ITGA11: variants seen among roughly 807,000 people sequenced by gnomAD.
The protein encoded by ITGA11 is integrin subunit alpha 11.
A neutral mutation model predicts 141.9 loss-of-function variants in ITGA11; 97 were observed. That is an observed-to-expected ratio of 0.68 (90% CI 0.58 to 0.81). The LOEUF (loss-of-function observed/expected upper bound fraction) is 0.81, where lower values mean the gene tolerates loss of function less well. Among genes scored for constraint, ITGA11 ranks in the 30% least tolerant of loss-of-function variants. The pLI is 0.00. For synonymous variants in ITGA11, 658 were observed against 624.6 expected, an observed-to-expected ratio of 1.05 and a Z score of -0.80; for missense variants, 1,387 against 1,559.2, an observed-to-expected ratio of 0.89 and a Z score of 1.86.
chr15:68,326,770 C>T lies in ITGA11; in HGVS notation c.2095G>A (p.Glu699Lys), dbSNP rs767175041. Reference protein sequence around the residue: ...VGIRYNATMDERRYTPRAHLD... With the variant: ...VGIRYNATMDKRRYTPRAHLD... ...TGGGCCCTCGGTGTATACCGCCTCTCATCCATGGTGGCGTTGTATCTGATG... is the reference window on the plus strand; with the variant it reads ...TGGGCCCTCGGTGTATACCGCCTCTTATCCATGGTGGCGTTGTATCTGATG... Residue 699 changes from glutamate to lysine, a missense_variant, in exon 17 of 30, where the codon GAG (glutamate) becomes AAG (lysine). Glu to Lys is a moderately conservative substitution (Grantham distance 56). Coordinates refer to ENST00000315757, the MANE Select transcript of ITGA11 (RefSeq NM_001004439.2). The surrounding 1 kb of genome is among the most constrained non-coding windows in gnomAD (Gnocchi z 6.8). The T allele has an allele frequency of 2.5e-6, 4 of 1,581,780 alleles. No homozygotes were observed. Among genetic ancestry groups the T allele is most frequent in the Non-Finnish European group, 3.4e-6 (4 of 1,163,396 alleles).
At chr15:68,409,226 G>C (rs1366313187) in intron 1 of ITGA11, among the ~76,000 whole-genome samples, 4 of 152,178 alleles carry the variant, frequency 2.6e-5, no homozygotes, top group African/African-American at 9.7e-5. Flanking sequence ...GGGGCCTTCA[G>C]CGTGGGCTGC....
In ITGA11 at chr15:68,402,911, C is replaced by T. The variant is rs745846433; in HGVS notation, c.164+7G>A. 7.7e-5 allele frequency: 123 copies of T among 1,603,706 alleles called. No homozygotes were observed. The highest frequency in any genetic ancestry group is 9.9e-5 in the Non-Finnish European group (116 of 1,171,724). On this transcript the variant is annotated splice_region_variant and intron_variant, in intron 2 of 29. Transcript: ENST00000315757. ...AGGGCTGGGTGTGGGCGGCCGCTCT[C>T]ACTCACCACTTATTGCCACTGATGT...
At chr15:68,361,804 A>T in intron 4 of ITGA11, 100 bp from the exon 5 acceptor site, 1 of 759,850 alleles carries the variant, frequency 1.3e-6, no homozygotes, top group Non-Finnish European at 2.2e-6. Flanking sequence ...GACCCAAGAC[A>T]GACTTCTATC....
chr15:68,321,345 G>A lies in ITGA11; in HGVS notation c.2408+73C>T. ...GGAGGATGTCCAGGAAATAATCCAG[G>A]GCCCCAGGAGCCCCAGAGCCTCTGG... On this transcript the variant is annotated intron_variant, in intron 19 of 29. Transcript: ENST00000315757. This position sits in a 1 kb window ranked among gnomAD's most constrained non-coding sequence, Gnocchi z 4.9. 1 of 888,424 alleles carries A rather than the reference G, an allele frequency of 1.1e-6. No individual in the cohort carries two copies. Among genetic ancestry groups the A allele is most frequent in the South Asian group, 1.9e-5 (1 of 52,438 alleles). 55.0% of individuals were successfully genotyped at this position (888,424 alleles called of 1,614,324 possible).
chr15:68,303,841 G>T lies in ITGA11; in HGVS notation c.3426C>A (p.Ile1142=), dbSNP rs763264928. The T allele has an allele frequency of 8.7e-6, 14 of 1,613,144 alleles. No individual in the cohort carries two copies. The highest frequency in any genetic ancestry group is 1.2e-5 in the Non-Finnish European group (14 of 1,179,496). Residue 1142 remains isoleucine (I), a synonymous_variant, in exon 29 of 30, where the codon ATC becomes ATA. Transcript: ENST00000315757. This position sits in a 1 kb window ranked among gnomAD's most constrained non-coding sequence, Gnocchi z 5.3. ...CCAGGGTGCTGCCTACAATGATCCA[G>T]ATGGGGACCTGCCAGTCCTCTTGCT... ...ISKQEDWQVP[I]WIIVGSTLGG...
At position 68,308,780 on chromosome 15, in the gene ITGA11, G is replaced by GAAAAGAAAAGAA. The variant is rs1893284140; in HGVS notation, c.3175-1085_3175-1084insTTCTTTTCTTTT. 6.7e-6 allele frequency among the ~76,000 whole-genome samples: 1 copy of GAAAAGAAAAGAA among 149,918 alleles called. No individual in the cohort carries two copies. Among genetic ancestry groups the GAAAAGAAAAGAA allele is most frequent in the Non-Finnish European group, 1.5e-5 (1 of 67,208 alleles). On this transcript the variant is annotated intron_variant, in intron 26 of 29. Transcript: ENST00000315757. This position sits in a 1 kb window ranked among gnomAD's most constrained non-coding sequence, Gnocchi z 5.2. ...AGAAAAGAAAGAAAAGAAAAGAAAA[G>GAAAAGAAAAGAA]AAAAGGGATTAGAGGACACTGAAGA...
At chr15:68,317,600 C>T (rs772368758) in intron 20 of ITGA11, among the ~76,000 whole-genome samples, 21 of 149,614 alleles carry the variant, frequency 1.4e-4, no homozygotes, top group Non-Finnish European at 2.5e-4. Context: ...CACTCAGAGG[C>T]GGTGGGGAGG....
At chr15:68,376,137 C>G (rs777043902) in intron 2 of ITGA11, among the ~76,000 whole-genome samples, 4 of 152,160 alleles carry the variant, frequency 2.6e-5, no homozygotes, top group Admixed American at 6.5e-5. Flanking sequence ...TGGCGACTCT[C>G]ACTGGGCTCA....
At position 68,339,010 on chromosome 15, in the gene ITGA11, A is replaced by G. The variant is rs146122335; in HGVS notation, c.1276+490T>C. ...CTAAGGCCTCGCTGCTGGGACCTTC[A>G]CCATCAATGATTTGTGCTTCTATCT... On this transcript the variant is annotated intron_variant, in intron 11 of 29. Transcript: ENST00000315757. 4.1e-3 allele frequency among the ~76,000 whole-genome samples: 626 copies of G among 152,334 alleles called. 2 individuals carry two copies. In the Middle Eastern group the frequency reaches 0.048, roughly 12 times the overall value.
At chr15:68,411,769 G>C (rs1161483219) in intron 1 of ITGA11, among the ~76,000 whole-genome samples, 1 of 152,142 alleles carries the variant, frequency 6.6e-6, no homozygotes, top group African/African-American at 2.4e-5. Context: ...CTTGACTTTG[G>C]GCTAGGCCAT....
At chr15:68,396,016 G>T (rs976957450) in intron 2 of ITGA11, among the ~76,000 whole-genome samples, 4 of 151,862 alleles carry the variant, frequency 2.6e-5, no homozygotes, top group African/African-American at 9.7e-5. Flanking sequence ...AGAAAAAAAT[G>T]AAAACATTTC....
intron 2 of ITGA11, among the ~76,000 whole-genome samples, chr15:68,392,550 T>A (rs1896146205): frequency 6.6e-6 from 1 of 152,194 alleles, no homozygotes; most frequent in Non-Finnish European, 1.5e-5. Flanking sequence ...GAAAAGAGTC[T>A]CAAAAGCTCT....
At position 68,412,369 on chromosome 15, in the gene ITGA11, C is replaced by G. The variant is rs16952019; in HGVS notation, c.53-9340G>C. On this transcript the variant is annotated intron_variant, in intron 1 of 29. Transcript: ENST00000315757. ...CCTGTCAGGGAGAAGTGTGGCCTAA[C>G]GAGCAAATCATGGCCTCCTCCTGCC... is the stretch of plus-strand genomic sequence containing the variant. 3.7e-3 allele frequency among the ~76,000 whole-genome samples: 562 copies of G among 152,230 alleles called. 5 individuals carry two copies. Among genetic ancestry groups the G allele is most frequent in the African/African-American group, 0.011 (471 of 41,544 alleles).
intron 1 of ITGA11, among the ~76,000 whole-genome samples, chr15:68,426,248 A>T (rs1347940949): frequency 6.6e-6 from 1 of 152,192 alleles, no homozygotes; most frequent in East Asian, 1.9e-4. Context: ...CGTTGTCATC[A>T]CTTATTAGTG....
At chr15:68,311,444 G>A (rs777348815) in intron 24 of ITGA11, 41 bp from the exon 25 acceptor site, 4 of 1,410,082 alleles carry the variant, frequency 2.8e-6, no homozygotes, top group South Asian at 1.2e-5. Flanking sequence ...AGTCAGTTGA[G>A]GGGGGTGGAA....
intron 3 of ITGA11, among the ~76,000 whole-genome samples, chr15:68,368,774 C>T (rs1225723570): frequency 6.6e-6 from 1 of 151,996 alleles, no homozygotes; most frequent in Non-Finnish European, 1.5e-5. Flanking sequence ...TCCAAATGTG[C>T]CTCACACATG....
chr15:68,382,309 C>T (rs1895882661), intron 2 of ITGA11, among the ~76,000 whole-genome samples: 1 of 152,222 alleles, frequency 6.6e-6, no homozygotes, highest in Non-Finnish European at 1.5e-5. Flanking sequence ...TCTGCTGTCA[C>T]AGGGTGAGCC....
chr15:68,413,622 T>C (rs536344052), intron 1 of ITGA11, among the ~76,000 whole-genome samples: 2 of 152,318 alleles, frequency 1.3e-5, no homozygotes, highest in East Asian at 3.9e-4. Flanking sequence ...CCGGTGCCTC[T>C]CTGGGCCTCA....
chr15:68,309,979 A>G (rs1056100889), intron 26 of ITGA11, among the ~76,000 whole-genome samples: 13 of 152,236 alleles, frequency 8.5e-5, no homozygotes, highest in African/African-American at 3.1e-4. Context: ...TTAGCAAACC[A>G]AAAGAAGTTA....
Sources: allele counts gnomAD v4.1 joint callset (sites outside exome capture counted in the v4.1 genomes callset), GRCh38; gene constraint gnomAD v4.1.1; non-coding constraint Gnocchi (gnomAD v3.1); transcripts MANE v1.5; gene names NCBI Gene and HGNC (gene_info 2026-07-23, HGNC 2026-07-21).